PLD1: variants seen among roughly 807,000 people sequenced by gnomAD.
PLD1 encodes choline phosphatase 1.
A neutral mutation model predicts 137.1 loss-of-function variants in PLD1; 112 were observed. That is an observed-to-expected ratio of 0.82 (90% CI 0.70 to 0.96). PLD1 has a LOEUF of 0.96. PLD1 is among the 40% of genes least tolerant of loss of function. PLD1 has a pLI of 0.00. For missense variants in PLD1, 1,321 were observed against 1,342.0 expected, an observed-to-expected ratio of 0.98 and a Z score of 0.24; for synonymous variants, 431 against 454.7, an observed-to-expected ratio of 0.95 and a Z score of 0.66.
intron 12 of PLD1, among the ~76,000 whole-genome samples, chr3:171,697,053 A>G (rs755695300): frequency 8.5e-5 from 13 of 152,162 alleles, no homozygotes; most frequent in Non-Finnish European, 1.8e-4. Context: ...AGCGCATGCC[A>G]GCAAACAAGA....
chr3:171,731,057 C>T (rs1466042925), intron 6 of PLD1, among the ~76,000 whole-genome samples: 5 of 152,188 alleles, frequency 3.3e-5, no homozygotes, highest in African/African-American at 9.7e-5. Flanking sequence ...TTGTTAAACA[C>T]ACTTATTCCA....
At chr3:171,697,928 C>T (rs1259182770) in intron 12 of PLD1, among the ~76,000 whole-genome samples, 7 of 152,174 alleles carry the variant, frequency 4.6e-5, no homozygotes, top group African/African-American at 1.7e-4. Flanking sequence ...AAATGCCCTG[C>T]ACATAGAAAA....
Position 171,710,252 on chromosome 3 carries a change from G to A in PLD1, c.912-543C>T, listed in dbSNP as rs528029365. ...ATTTTTTTGTATTTTTAGTAGAGAC[G>A]GGGTTTCACCGTGTTAGCCAGGATG... On this transcript the variant is annotated intron_variant, in intron 9 of 26. Coordinates refer to ENST00000351298, the MANE Select transcript of PLD1 (RefSeq NM_002662.5). Among the ~76,000 whole-genome samples the A allele has an allele frequency of 3.3e-5, 5 of 152,028 alleles. No individual in the cohort carries two copies. In the East Asian group the frequency reaches 9.7e-4, roughly 29 times the overall value.
chr3:171,653,368 G>A (rs1736938763), intron 21 of PLD1: 1 of 152,168 alleles, frequency 6.6e-6, no homozygotes, highest in African/African-American at 2.4e-5. Context: ...CACATATTAT[G>A]CTTCAGAATA....
intron 19 of PLD1, among the ~76,000 whole-genome samples, chr3:171,666,862 T>TG (rs1188832337): frequency 1.2e-4 from 19 of 152,252 alleles, no homozygotes; most frequent in African/African-American, 3.4e-4. Context: ...AGCTGTAACT[T>TG]GGACTAGTCA....
chr3:171,642,511 T>C (rs893348012), intron 23 of PLD1, among the ~76,000 whole-genome samples: 3 of 132,504 alleles, frequency 2.3e-5, no homozygotes, highest in African/African-American at 8.8e-5. Flanking sequence ...TTGAAAAGTA[T>C]AAAAAATTGT....
At chr3:171,777,148 A>G (rs1210295513) in intron 1 of PLD1, among the ~76,000 whole-genome samples, 2 of 152,208 alleles carry the variant, frequency 1.3e-5, no homozygotes, top group African/African-American at 2.4e-5. Flanking sequence ...TGGATCTTTA[A>G]TTTCCAAGTT....
At chr3:171,690,551 A>G (rs906595076) in intron 13 of PLD1, among the ~76,000 whole-genome samples, 16 of 151,590 alleles carry the variant, frequency 1.1e-4, no homozygotes, top group African/African-American at 3.9e-4. Flanking sequence ...TTTCATTTTC[A>G]TTTGTCTCTA....
chr3:171,617,738 A>T (rs564459856), intron 24 of PLD1, among the ~76,000 whole-genome samples: 1 of 152,186 alleles, frequency 6.6e-6, no homozygotes. Context: ...TGCACAAAAG[A>T]GATCTTCAGT....
intron 23 of PLD1, among the ~76,000 whole-genome samples, chr3:171,634,322 G>A (rs1413077234): frequency 6.6e-6 from 1 of 152,150 alleles, no homozygotes; most frequent in Non-Finnish European, 1.5e-5. Flanking sequence ...CATTTTTACT[G>A]TTGAGAAACT....
chr3:171,692,727 G>T (rs111923704), intron 12 of PLD1, among the ~76,000 whole-genome samples: 2 of 151,972 alleles, frequency 1.3e-5, no homozygotes, highest in Non-Finnish European at 2.9e-5. Flanking sequence ...CGCCATGTTG[G>T]CCAGGCTGGT....
intron 11 of PLD1, among the ~76,000 whole-genome samples, chr3:171,706,508 A>G (rs1199312498): frequency 6.6e-6 from 1 of 152,012 alleles, no homozygotes; most frequent in Non-Finnish European, 1.5e-5. Context: ...CTCCGGCCCA[A>G]CCTTTGTCTC....
intron 1 of PLD1, among the ~76,000 whole-genome samples, chr3:171,768,171 C>G (rs150793762): frequency 4.0e-4 from 61 of 152,184 alleles, no homozygotes; most frequent in African/African-American, 1.4e-3. Flanking sequence ...GTGGTCAGAT[C>G]AGCTCCAGGA....
intron 21 of PLD1, among the ~76,000 whole-genome samples, chr3:171,647,025 CG>C (rs1157509660): frequency 6.6e-6 from 1 of 152,162 alleles, no homozygotes; most frequent in Non-Finnish European, 1.5e-5. Context: ...ATTCTTGCCT[CG>C]GCACTCATAG....
intron 8 of PLD1, among the ~76,000 whole-genome samples, chr3:171,717,568 A>G (rs1717770485): frequency 6.6e-6 from 1 of 152,216 alleles, no homozygotes; most frequent in African/African-American, 2.4e-5. Flanking sequence ...ATTTTTCTAC[A>G]TTGATTTTGT....
intron 17 of PLD1, 136 bp downstream of exon 17, chr3:171,677,430 T>C: frequency 1.2e-6 from 1 of 801,690 alleles, no homozygotes; most frequent in African/African-American, 1.7e-5. Flanking sequence ...AAATCTAGTC[T>C]CCAAAGTTTT....
At chr3:171,608,145 C>T (rs774420847) in intron 25 of PLD1, among the ~76,000 whole-genome samples, 3 of 151,868 alleles carry the variant, frequency 2.0e-5, no homozygotes, top group Non-Finnish European at 2.9e-5. Flanking sequence ...TTGAAAAATG[C>T]GAAGTAAAAG....
At chr3:171,760,381 GT>G (rs1408278047) in intron 1 of PLD1, among the ~76,000 whole-genome samples, 1 of 152,054 alleles carries the variant, frequency 6.6e-6, no homozygotes, top group East Asian at 1.9e-4. Context: ...AATCATCTAG[GT>G]ATTATCTTCT....
chr3:171,634,785 A>T (rs1410280044), intron 23 of PLD1, among the ~76,000 whole-genome samples: 2 of 152,164 alleles, frequency 1.3e-5, no homozygotes, highest in East Asian at 1.9e-4. Flanking sequence ...TAAATTTTAT[A>T]CTACAAAATT....
Sources: gnomAD v4.1 joint callset for allele counts (sites outside exome capture counted in the v4.1 genomes callset) on GRCh38, gnomAD v4.1.1 for gene constraint, MANE v1.5 for transcripts, NCBI Gene and HGNC (gene_info 2026-07-23, HGNC 2026-07-21) for gene names.